The following TUBGCP2 variants were observed in gnomAD, a reference collection of about 807,000 sequenced individuals.
TUBGCP2 encodes the protein gamma-tubulin complex component 2.
Under a neutral mutation model 92.2 loss-of-function variants are expected in TUBGCP2, and 55 were observed. The ratio of observed to expected loss-of-function variants is 0.60; its 90% CI spans 0.48 to 0.75. The LOEUF (loss-of-function observed/expected upper bound fraction) is 0.75. TUBGCP2 is among the 30% of genes least tolerant of loss of function. TUBGCP2 has a pLI of 0.00. For missense variants in TUBGCP2, 1,093 were observed against 1,188.9 expected, an observed-to-expected ratio of 0.92 and a Z score of 1.19; for synonymous variants, 533 against 505.2, an observed-to-expected ratio of 1.06 and a Z score of -0.74.
intron 8 of TUBGCP2, chr10:133,290,918 A>G (rs1275578437): frequency 6.5e-6 from 1 of 153,810 alleles, no homozygotes; most frequent in Non-Finnish European, 1.4e-5. Context: ...GTATTTTTTG[A>G]AAATATTTCA....
At chr10:133,311,527 T>C (rs1234957877), upstream of TUBGCP2, 1 of 577,040 alleles carries the variant, frequency 1.7e-6, no homozygotes, top group Non-Finnish European at 3.1e-6. Context: ...ATATAAACAA[T>C]GGCCTTGCTG....
intron 11 of TUBGCP2, among the ~76,000 whole-genome samples, chr10:133,286,255 A>G (rs1487855177): frequency 1.3e-5 from 2 of 152,156 alleles, no homozygotes; most frequent in Non-Finnish European, 2.9e-5. Context: ...AGGTGTGCAG[A>G]CAGCAGCGTC....
At chr10:133,302,520 CCT>C (rs1847694611) in intron 2 of TUBGCP2, 1 of 412,146 alleles carries the variant, frequency 2.4e-6, no homozygotes, top group Non-Finnish European at 4.4e-6. Flanking sequence ...CATCATGCAC[CCT>C]GACCCAGGGA....
chr10:133,286,893 G>A (rs1847147140), intron 11 of TUBGCP2, among the ~76,000 whole-genome samples: 1 of 152,158 alleles, frequency 6.6e-6, no homozygotes, highest in Non-Finnish European at 1.5e-5. Flanking sequence ...GTTTACAGCT[G>A]TAAACTAACT....
chr10:133,284,369 CTT>C (rs111954922), intron 13 of TUBGCP2, among the ~76,000 whole-genome samples: 1 of 152,078 alleles, frequency 6.6e-6, no homozygotes, highest in Non-Finnish European at 1.5e-5. Flanking sequence ...CTTCTAATTT[CTT>C]TTTTTCTTCG....
At chr10:133,311,814 C>T, upstream of TUBGCP2, 1 of 1,613,352 alleles carries the variant, frequency 6.2e-7, no homozygotes, top group Non-Finnish European at 8.5e-7. Flanking sequence ...CCTGCACCGG[C>T]AGGTGAGAGG....
At chr10:133,289,061 C>A in intron 9 of TUBGCP2, 41 bp from the exon 10 acceptor site, 1 of 1,584,804 alleles carries the variant, frequency 6.3e-7, no homozygotes, top group South Asian at 1.1e-5. Flanking sequence ...TCCACATGGT[C>A]GATCTCAGGC....
Position 133,281,272 on chromosome 10 carries a change from C to A in TUBGCP2, c.2573+1G>T, listed in dbSNP as rs1199961428. 5.0e-6 allele frequency: 8 copies of A among 1,610,248 alleles called. No homozygotes were observed. Among genetic ancestry groups the A allele is most frequent in the Non-Finnish European group, 6.8e-6 (8 of 1,179,756 alleles). ...GCTGAGCCGGGGTGGCGCCCACCCA[C>A]CTGGAGATGACGCTGGCCATGCCGT... On this transcript the variant is annotated splice_donor_variant, in intron 17 of 17. Transcript: ENST00000252936. LOFTEE classifies it high-confidence loss of function.
At position 133,293,147 on chromosome 10, in the gene TUBGCP2, G is replaced by C. The variant is rs764408048; in HGVS notation, c.916C>G (p.Leu306Val). The C allele has an allele frequency of 6.2e-7, 1 of 1,613,826 alleles. No individual in the cohort carries two copies. The highest frequency in any genetic ancestry group is 1.3e-5 in the African/African-American group (1 of 74,952). The change falls in exon 7 of 18, where the codon CTG (leucine) becomes GTG (valine). Residue 306 changes from leucine (L) to valine (V), a missense_variant. Around this residue, in one of 3 missense-constraint regions of TUBGCP2, gnomAD observed 490 missense variants for 488.5 expected, o/e 1.00. Coordinates refer to ENST00000252936, the MANE Select transcript of TUBGCP2 (RefSeq NM_006659.4). ...MRTLVKEHLILVSQLEQLHRQ... is the reference protein window; with the variant it reads ...MRTLVKEHLIVVSQLEQLHRQ... Reference sequence around the variant, plus strand: ...TGCAGCTGCTCCAGCTGTGACACCAGAATCAGGTGCTCCTTCACCAGGGTG... The same window carrying C: ...TGCAGCTGCTCCAGCTGTGACACCACAATCAGGTGCTCCTTCACCAGGGTG...
chr10:133,295,168 C>T lies in TUBGCP2; in HGVS notation c.617-1399G>A, dbSNP rs1264756157. The T allele has an allele frequency of 2.6e-5, 4 of 152,226 alleles. No homozygotes were observed. The East Asian group carries it at 5.8e-4, about 22-fold the overall frequency. 9.4% of individuals were successfully genotyped at this position (152,226 alleles called of 1,614,324 possible). ...AGGGACCTCAAGGGTTGCTTTAGGC[C>T]GGGTATGGTGGCTCACACCTGTAAT... On this transcript the variant is annotated intron_variant, in intron 5 of 17. Transcript: ENST00000252936.
chr10:133,295,137 C>G (rs1416408501), intron 5 of TUBGCP2: 2 of 152,304 alleles, frequency 1.3e-5, no homozygotes, highest in African/African-American at 4.8e-5. Context: ...AGCCGCCTGG[C>G]TGTGGAGGGA....
At chr10:133,280,366 A>C (rs1373955550) in intron 17 of TUBGCP2, among the ~76,000 whole-genome samples, 1 of 152,204 alleles carries the variant, frequency 6.6e-6, no homozygotes, top group East Asian at 1.9e-4. Context: ...ATCCCTGCTC[A>C]GAAAATCAGA....
upstream of TUBGCP2, chr10:133,310,451 G>A (rs1847965406): frequency 3.3e-6 from 3 of 919,056 alleles, no homozygotes; most frequent in African/African-American, 1.7e-5. Flanking sequence ...GCTACAGGTG[G>A]TTGTGCCAGC....
chr10:133,309,606 A>T (rs1847939891), upstream of TUBGCP2: 9 of 1,268,928 alleles, frequency 7.1e-6, no homozygotes, highest in Non-Finnish European at 9.9e-6. Flanking sequence ...GGCGTGGCCG[A>T]CTCTTCCACC....
rs189306705 is a variant in TUBGCP2, at chr10:133,296,928, C to T, written c.616+1024G>A. ...GGAAAACAGGTGGATTTCACGTCAC[C>T]GTTCTCCAGGGTTTCCGGCAAAGGC... On this transcript the variant is annotated intron_variant, in intron 5 of 17. Coordinates refer to ENST00000252936, the MANE Select transcript of TUBGCP2 (RefSeq NM_006659.4). 2.6e-3 allele frequency among the ~76,000 whole-genome samples: 389 copies of T among 152,284 alleles called. 2 individuals carry two copies. Among genetic ancestry groups the T allele is most frequent in the Middle Eastern group, 0.02 (6 of 294 alleles).
At position 133,289,819 on chromosome 10, in the gene TUBGCP2, C is replaced by CAA. The variant is rs1554935351; in HGVS notation, c.1360+4_1360+5insTT. The CAA allele has an allele frequency of 1.2e-6, 2 of 1,612,608 alleles. No individual in the cohort carries two copies. The highest frequency in any genetic ancestry group is 2.7e-5 in the African/African-American group (2 of 73,872). ...CACCCCAAGTCCCCGCCCGCTGCGCCGCACCTGTGCTGAGGATCTTGTCCG... is the reference window on the plus strand; with the variant it reads ...CACCCCAAGTCCCCGCCCGCTGCGCCAAGCACCTGTGCTGAGGATCTTGTCCG... On this transcript the variant is annotated splice_donor_region_variant and intron_variant, in intron 9 of 17. Transcript: ENST00000252936.
Position 133,282,265 on chromosome 10 carries a change from G to A in TUBGCP2, c.2367C>T (p.Pro789=), listed in dbSNP as rs767847463. The change falls in exon 16 of 18, where the codon CCC becomes CCT. Residue 789 remains proline, a synonymous_variant. Transcript: ENST00000252936. ...TLEHSTVLGL[P]AGAEERARKE... ...TCCGGGCCCGCTCCTCGGCCCCTGC[G>A]GGCAGCCCCAGGACGGTGCTGTGCT... The A allele has an allele frequency of 2.8e-5, 45 of 1,611,452 alleles. No homozygotes were observed. The highest frequency in any genetic ancestry group is 1.7e-4 in the Middle Eastern group (1 of 6,026).
rs1254482853 is a variant in TUBGCP2 at position 133,288,407 on chromosome 10, ACAGCCAGGGAGCAGGCG to A, written c.1542-115_1542-99del. The A allele has an allele frequency of 9.0e-4, 1,327 of 1,466,826 alleles. 14 individuals are homozygous for A. Among genetic ancestry groups the A allele is most frequent in the Middle Eastern group, 7.5e-3 (32 of 4,262 alleles). The allele number at this position is 1,466,826 out of a possible 1,614,324, so 90.9% of individuals were successfully genotyped here. On this transcript the variant is annotated intron_variant, in intron 10 of 17. Coordinates refer to ENST00000252936, the MANE Select transcript of TUBGCP2 (RefSeq NM_006659.4). The stretch of plus-strand genomic sequence containing the variant: ...ACGTGCCCACCCGCAGGTGCCCGCC[ACAGCCAGGGAGCAGGCG>A]TGAGCACGTGCCCACCCGCAGGTGC...
At chr10:133,301,729 T>A (rs1431608276) in intron 2 of TUBGCP2, 1 of 120,280 alleles carries the variant, frequency 8.3e-6, no homozygotes, top group Non-Finnish European at 1.7e-5. Flanking sequence ...TTTTTTTTTT[T>A]TGAGACAGAG....
Sources: allele counts gnomAD v4.1 joint callset (sites outside exome capture counted in the v4.1 genomes callset), GRCh38; gene constraint gnomAD v4.1.1; regional missense constraint gnomAD v4.1.1; transcripts MANE v1.5; gene names NCBI Gene and HGNC (gene_info 2026-07-23, HGNC 2026-07-21).